Variants in MAP7D2 observed in about 807,000 individuals in gnomAD.
The protein encoded by MAP7D2 is MAP7 domain-containing protein 2.
MAP7D2 carries 33 observed loss-of-function variants against 63.5 expected under a neutral mutation model. The observed-to-expected ratio is 0.52, with a 90% CI of 0.39 to 0.70. The LOEUF (loss-of-function observed/expected upper bound fraction) is 0.70, where lower values mean the gene tolerates loss of function less well. Among genes scored for constraint, MAP7D2 ranks in the 30% least tolerant of loss-of-function variants. MAP7D2 has a pLI of 0.00. For synonymous variants in MAP7D2, 224 were observed against 223.7 expected (o/e 1.00, Z -0.01); for missense variants, 626 against 604.0 (o/e 1.04, Z -0.38).
chrX:20,109,196 C>G (rs544218079), intron 1 of MAP7D2, among the ~76,000 whole-genome samples: 2 of 108,749 alleles, frequency 1.8e-5, no homozygotes, highest in Non-Finnish European at 3.8e-5. Flanking sequence ...ATTATCCATC[C>G]GTGGAGGCAC....
chrX:20,037,760 G>A (rs2064536793), intron 8 of MAP7D2, among the ~76,000 whole-genome samples: 1 of 111,908 alleles, frequency 8.9e-6, no homozygotes, highest in African/African-American at 3.3e-5. Context: ...AGAAATTTGG[G>A]GAAGAGATAT....
At chrX:20,018,686 G>T (rs2073512903) in intron 10 of MAP7D2, among the ~76,000 whole-genome samples, 1 of 110,621 alleles carries the variant, frequency 9.0e-6, no homozygotes, top group South Asian at 3.8e-4. Context: ...CAAGTGATCT[G>T]CCTGCCTTGG....
chrX:20,042,282 A>C (rs2064678246), intron 8 of MAP7D2, among the ~76,000 whole-genome samples: 2 of 111,810 alleles, frequency 1.8e-5, no homozygotes, highest in African/African-American at 6.5e-5. Context: ...GGTAAATAAA[A>C]GCCCTGTTAC....
chrX:20,052,184 T>G (rs927347116), intron 5 of MAP7D2, among the ~76,000 whole-genome samples: 1 of 112,414 alleles, frequency 8.9e-6, no homozygotes, highest in African/African-American at 3.2e-5. Context: ...AAACATTTAG[T>G]GCATGGAGAG....
chrX:20,079,883 C>A (rs751270410), intron 1 of MAP7D2, among the ~76,000 whole-genome samples: 3 of 111,330 alleles, frequency 2.7e-5, no homozygotes, highest in Non-Finnish European at 5.7e-5. Flanking sequence ...AGGAAACCCC[C>A]CACAACTTCC....
intron 1 of MAP7D2, among the ~76,000 whole-genome samples, chrX:20,077,334 T>A (rs969933761): frequency 1.8e-5 from 2 of 111,394 alleles, no homozygotes; most frequent in Admixed American, 9.6e-5. Context: ...ATAAACATAG[T>A]ACCAGCTACT....
chrX:20,049,443 TG>T (rs2064888243), intron 6 of MAP7D2, among the ~76,000 whole-genome samples: 1 of 109,350 alleles, frequency 9.1e-6, no homozygotes, highest in South Asian at 4.1e-4. Flanking sequence ...AGCTAATTTT[TG>T]TATTTTTAGT....
chrX:20,064,809 C>T lies in MAP7D2; in HGVS notation c.131-4G>A. Reference sequence around the variant, plus strand: ...GATTTCAAAAATCCCTCCATGCCTACAAAGGAGAAAACTAGATTATGTTTC... The same window carrying T: ...GATTTCAAAAATCCCTCCATGCCTATAAAGGAGAAAACTAGATTATGTTTC... On this transcript the variant is annotated splice_polypyrimidine_tract_variant and splice_region_variant and intron_variant, in intron 1 of 16. Transcript: ENST00000379643. 6 of 1,200,152 alleles carry T rather than the reference C, an allele frequency of 5.0e-6. No individual in the cohort carries two copies. The highest frequency in any genetic ancestry group is 6.8e-6 in the Non-Finnish European group (6 of 885,042).
chrX:20,104,846 T>C (rs781715857), intron 1 of MAP7D2, among the ~76,000 whole-genome samples: 20 of 111,222 alleles, frequency 1.8e-4, no homozygotes, highest in Non-Finnish European at 3.4e-4. Flanking sequence ...ATTAATAGGG[T>C]AGAAAAGAGC....
chrX:20,059,702 TAGGA>T (rs1258038804), intron 3 of MAP7D2, among the ~76,000 whole-genome samples: 42 of 75,977 alleles, frequency 5.5e-4, no homozygotes, highest in African/African-American at 2.2e-3. Context: ...AAAGGATAGA[TAGGA>T]AGGAAGGAAG....
rs1237730752 is a variant in MAP7D2 at position 20,078,812 on chromosome X, C to G, written c.131-14007G>C. Reference sequence around the variant, plus strand: ...CATGAGTATTCCTTAATCTCATTACCTGACCACCACCATGTCTACTACCAC... The same window carrying G: ...CATGAGTATTCCTTAATCTCATTACGTGACCACCACCATGTCTACTACCAC... On this transcript the variant is annotated intron_variant, in intron 1 of 16. Transcript: ENST00000379643. Among the ~76,000 whole-genome samples the G allele has an allele frequency of 3.6e-5, 4 of 110,193 alleles. No individual in the cohort carries two copies. The Admixed American group carries it at 3.9e-4, about 11-fold the overall frequency.
chrX:20,087,626 A>G, intron 1 of MAP7D2, among the ~76,000 whole-genome samples: 1 of 112,262 alleles, frequency 8.9e-6, no homozygotes, highest in East Asian at 2.8e-4. Context: ...TCATTTAAGG[A>G]AAGATTTTCA....
chrX:20,110,942 C>T (rs1220870382), intron 1 of MAP7D2, among the ~76,000 whole-genome samples: 1 of 111,547 alleles, frequency 9.0e-6, no homozygotes, highest in Non-Finnish European at 1.9e-5. Flanking sequence ...CTAGGCTGGC[C>T]TTGGGACTTG....
intron 3 of MAP7D2, among the ~76,000 whole-genome samples, chrX:20,061,118 C>CAAAAA (rs780468494): frequency 1.1e-4 from 4 of 34,871 alleles, no homozygotes; most frequent in East Asian, 1.3e-3. Context: ...AGAACATGAC[C>CAAAAA]AAAAAAAAAA....
chrX:20,110,307 G>A (rs1446570533), intron 1 of MAP7D2, among the ~76,000 whole-genome samples: 1 of 109,516 alleles, frequency 9.1e-6, no homozygotes, highest in African/African-American at 3.3e-5. Flanking sequence ...GGCCAACGTG[G>A]TGAAACCCGA....
intron 5 of MAP7D2, among the ~76,000 whole-genome samples, chrX:20,051,795 A>G (rs1200359363): frequency 9.8e-5 from 11 of 112,575 alleles, no homozygotes; most frequent in African/African-American, 3.5e-4. Flanking sequence ...CCAACTGATT[A>G]TCAGCTTTAA....
Position 20,016,117 on chromosome X carries a change from CTT to C in MAP7D2, c.1619_1620del (p.Gln540ArgfsTer6). On this transcript the variant is annotated frameshift_variant, in exon 11 of 17. Transcript: ENST00000379643. LOFTEE classifies it high-confidence loss of function. ...LLKEKQEQEK[Q>X]EKAMIEKQKE... ...ACCTGCTTTTCAATCATGGCTTTCT[CTT>C]GTTTTTCTTGTTCTTGCTTTTCTTT... 8.3e-7 allele frequency: 1 copy of C among 1,208,671 alleles called. No homozygotes were observed. Among genetic ancestry groups the C allele is most frequent in the Non-Finnish European group, 1.1e-6 (1 of 893,667 alleles).
chrX:20,026,477 G>A (rs1314178377), intron 8 of MAP7D2, among the ~76,000 whole-genome samples: 1 of 111,564 alleles, frequency 9.0e-6, no homozygotes, highest in African/African-American at 3.3e-5. Flanking sequence ...GCCTCTTCCA[G>A]GTGACTCGTA....
intron 8 of MAP7D2, among the ~76,000 whole-genome samples, chrX:20,026,310 T>C (rs960743345): frequency 9.0e-6 from 1 of 111,642 alleles, no homozygotes; most frequent in African/African-American, 3.3e-5. Flanking sequence ...GCAATGAACA[T>C]GCTGGCTCCT....
Sources: gnomAD v4.1 joint callset for allele counts (sites outside exome capture counted in the v4.1 genomes callset) on GRCh38, gnomAD v4.1.1 for gene constraint, MANE v1.5 for transcripts, NCBI Gene and HGNC (gene_info 2026-07-23, HGNC 2026-07-21) for gene names.